The following IKZF4 variants were observed in gnomAD, a reference collection of about 807,000 sequenced individuals.
IKZF4 encodes the protein IKAROS family zinc finger 4.
Under a neutral mutation model 47.7 loss-of-function variants are expected in IKZF4, and 11 were observed. The ratio of observed to expected loss-of-function variants is 0.23; its 90% CI spans 0.15 to 0.38. The LOEUF (loss-of-function observed/expected upper bound fraction) is 0.38. Among genes scored for constraint, IKZF4 ranks in the 10% least tolerant of loss-of-function variants. The probability of loss-of-function intolerance (pLI) is 1.00; values close to 1 mark genes in which losing one functional copy is unlikely to be tolerated. For synonymous variants in IKZF4, 298 were observed against 299.4 expected, an observed-to-expected ratio of 1.00 and a Z score of 0.05; for missense variants, 557 against 784.9, an observed-to-expected ratio of 0.71 and a Z score of 3.47.
At chr12:56,016,419 C>T (rs959281223), upstream of IKZF4, among the ~76,000 whole-genome samples, 2 of 146,638 alleles carry the variant, frequency 1.4e-5, no homozygotes, top group Non-Finnish European at 1.5e-5. Context: ...CTTTTTTTTT[C>T]TTTTCTTTTT....
Position 56,026,869 on chromosome 12 carries a change from C to A in IKZF4, c.375C>A (p.Ser125Arg). ...PDERLLEKDD[S>R]VIVEDSLSEP... ...AGCGGCTCCTGGAAAAGGACGACAG[C>A]GTGATTGTGGAAGATTCATTGTCTG... Residue 125 changes from serine to arginine, a missense_variant, in exon 4 of 8, where the codon AGC becomes AGA. Ser to Arg is a moderately radical substitution (Grantham distance 110). This residue lies in a region of IKZF4 where 112 missense variants were observed against 168.2 expected (regional missense o/e 0.67). Coordinates refer to ENST00000547167, the MANE Select transcript of IKZF4 (RefSeq NM_022465.4). The A allele has an allele frequency of 6.2e-7, 1 of 1,613,156 alleles. No homozygotes were observed. Among genetic ancestry groups the A allele is most frequent in the Non-Finnish European group, 8.5e-7 (1 of 1,179,604 alleles).
upstream of IKZF4, among the ~76,000 whole-genome samples, chr12:56,016,424 CTTT>C (rs1316176573): frequency 6.0e-5 from 8 of 132,874 alleles, no homozygotes; most frequent in Non-Finnish European, 6.5e-5. Context: ...TTTTTCTTTT[CTTT>C]TTTTTTTTTT....
chr12:56,035,229 T>C lies in IKZF4; in HGVS notation c.1656T>C (p.His552=), dbSNP rs1268641023. 4 of 1,614,208 alleles carry C rather than the reference T, an allele frequency of 2.5e-6. No individual in the cohort carries two copies. Among genetic ancestry groups the C allele is most frequent in the Non-Finnish European group, 2.5e-6 (3 of 1,180,030 alleles). The change falls in exon 8 of 8, where the codon CAT becomes CAC. Residue 552 remains histidine (H), a synonymous_variant. Transcript: ENST00000547167. This position sits in a 1 kb window ranked among gnomAD's most constrained non-coding sequence, Gnocchi z 6.1. ...HVMFTIHMGC[H]GFRDPFECNI... Reference sequence around the variant, plus strand: ...TGTTCACTATCCACATGGGCTGCCATGGCTTCAGAGACCCTTTTGAGTGCA... The same window carrying C: ...TGTTCACTATCCACATGGGCTGCCACGGCTTCAGAGACCCTTTTGAGTGCA...
At chr12:56,019,951 T>A (rs1443246860), upstream of IKZF4, among the ~76,000 whole-genome samples, 1 of 152,214 alleles carries the variant, frequency 6.6e-6, no homozygotes, top group Non-Finnish European at 1.5e-5. Flanking sequence ...GCAGCTACCT[T>A]AGAAAGGGAA....
In IKZF4 at chr12:56,031,205, C is replaced by G. The variant is rs371619005; in HGVS notation, c.716-1356C>G. On this transcript the variant is annotated intron_variant, in intron 5 of 7. Coordinates refer to ENST00000547167, the MANE Select transcript of IKZF4 (RefSeq NM_022465.4). ...GGTAGAGGTTGCAGTGAGCCGAGAT[C>G]GTGCCACTGCACTCCAGCCTAGGCA... Among the ~76,000 whole-genome samples the G allele has an allele frequency of 3.9e-5, 6 of 152,132 alleles. No homozygotes were observed. The South Asian group carries it at 1.0e-3, about 26-fold the overall frequency.
chr12:56,033,201 C>T lies in IKZF4; in HGVS notation c.877C>T (p.Arg293Cys), dbSNP rs1445174361. The change falls in exon 7 of 8, where the codon CGT (arginine) becomes TGT (cysteine). Residue 293 changes from arginine to cysteine, a missense_variant. Physicochemically the swap from Arg to Cys is radical, Grantham distance 180 (BLOSUM62 -3). This residue lies in a region of IKZF4 where 72 missense variants were observed against 112.4 expected (regional missense o/e 0.64). Coordinates refer to ENST00000547167, the MANE Select transcript of IKZF4 (RefSeq NM_022465.4). ...ALAGQPGDEI[R>C]DLEMVPDSML... Reference sequence around the variant, plus strand: ...CTTCTTCCCACTAGGTGACGAAATACGTGACCTGGAGATGGTGCCAGACTC... The same window carrying T: ...CTTCTTCCCACTAGGTGACGAAATATGTGACCTGGAGATGGTGCCAGACTC... 4 of 1,613,866 alleles carry T rather than the reference C, an allele frequency of 2.5e-6. No individual in the cohort carries two copies. The highest frequency in any genetic ancestry group is 3.4e-6 in the Non-Finnish European group (4 of 1,179,810).
intron 2 of IKZF4, among the ~76,000 whole-genome samples, chr12:56,015,238 G>A (rs896815819): frequency 5.3e-5 from 8 of 151,644 alleles, no homozygotes; most frequent in South Asian, 4.2e-4. Context: ...CACCACGCCC[G>A]GCTAATTTTT....
chr12:56,012,267 A>G (rs1294172398), intron 2 of IKZF4, among the ~76,000 whole-genome samples: 1 of 151,482 alleles, frequency 6.6e-6, no homozygotes, highest in East Asian at 1.9e-4. Context: ...GCATGTGTTA[A>G]ATGACTTTTT....
At chr12:56,022,925 G>A (rs932551049) in intron 1 of IKZF4, among the ~76,000 whole-genome samples, 29 of 149,744 alleles carry the variant, frequency 1.9e-4, no homozygotes, top group African/African-American at 5.9e-4. Flanking sequence ...TCAGCCTCCC[G>A]AGTAGCTGGG....
In IKZF4 at chr12:56,027,088, G is replaced by A. The variant is rs745604234; in HGVS notation, c.547+47G>A. ...TGGGAGGAGCTCCCAGGGTGGGGTTGAGAGGCAGGGGCAGTGCTGGGACAA... is the reference window on the plus strand; with the variant it reads ...TGGGAGGAGCTCCCAGGGTGGGGTTAAGAGGCAGGGGCAGTGCTGGGACAA... On this transcript the variant is annotated intron_variant, in intron 4 of 7. Coordinates refer to ENST00000547167, the MANE Select transcript of IKZF4 (RefSeq NM_022465.4). 6 of 1,453,648 alleles carry A rather than the reference G, an allele frequency of 4.1e-6. No individual in the cohort carries two copies. In the Admixed American group the frequency reaches 1.6e-4, roughly 39 times the overall value. The allele number at this position is 1,453,648 out of a possible 1,614,324, so 90.0% of individuals were successfully genotyped here.
chr12:56,023,544 A>G (rs752198777), intron 1 of IKZF4, 127 bp from the exon 2 acceptor site: 125 of 1,133,322 alleles, frequency 1.1e-4, no homozygotes, highest in Non-Finnish European at 1.5e-4. Context: ...GGCTTTTTCT[A>G]TAGATAGTGA....
Position 56,032,291 on chromosome 12 carries a change from T to C in IKZF4, c.716-270T>C, listed in dbSNP as rs1320211436. ...TCCTCACTTCCTTTAAGCAACAATT[T>C]GGCCATCTTGAACAAACCCACCACC... On this transcript the variant is annotated intron_variant, in intron 5 of 7. Transcript: ENST00000547167. 11 of 392,100 alleles carry C rather than the reference T, an allele frequency of 2.8e-5. No homozygotes were observed. The East Asian group carries it at 2.9e-4, about 10-fold the overall frequency. 24.3% of individuals were successfully genotyped at this position (392,100 alleles called of 1,614,324 possible). A position where few individuals can be genotyped will look rare whatever the true frequency, so the allele number is the denominator to read the frequency against.
chr12:56,009,944 C>T (rs1295034456), intron 1 of IKZF4: 1 of 152,116 alleles, frequency 6.6e-6, no homozygotes, highest in Admixed American at 6.5e-5. Context: ...ATGGGAGAAA[C>T]TTATCCCACC....
At position 56,037,226 on chromosome 12, in the gene IKZF4, G is replaced by T. The variant is rs1593015024; in HGVS notation, c.*1895G>T. Reference sequence around the variant, plus strand: ...CCTCCTTTTTCTCCCCCACTCTGAGGTTTCCCCAAGAGAACCAGATTGGCA... The same window carrying T: ...CCTCCTTTTTCTCCCCCACTCTGAGTTTTCCCCAAGAGAACCAGATTGGCA... On this transcript the variant is annotated 3_prime_UTR_variant, in exon 8 of 8. Transcript: ENST00000547167. 6.5e-6 allele frequency: 1 copy of T among 152,728 alleles called. No homozygotes were observed. Among genetic ancestry groups the T allele is most frequent in the East Asian group, 1.9e-4 (1 of 5,190 alleles). The allele number at this position is 152,728 out of a possible 1,614,324, so 9.5% of individuals were successfully genotyped here. A position where few individuals can be genotyped will look rare whatever the true frequency, so the allele number is the denominator to read the frequency against.
intron 7 of IKZF4, among the ~76,000 whole-genome samples, chr12:56,033,622 G>T (rs1296614128): frequency 6.6e-6 from 1 of 152,102 alleles, no homozygotes; most frequent in Admixed American, 6.6e-5. Context: ...CAGGAGAATG[G>T]TGTGAACCTG....
intron 5 of IKZF4, among the ~76,000 whole-genome samples, chr12:56,028,665 C>T (rs1894447981): frequency 6.6e-6 from 1 of 151,742 alleles, no homozygotes; most frequent in South Asian, 2.1e-4. Flanking sequence ...TCCCTGCAGT[C>T]TTGATCTCCT....
Position 56,037,889 on chromosome 12 carries a change from A to G in IKZF4, c.*2558A>G, listed in dbSNP as rs368156393. 2.0e-5 allele frequency: 3 copies of G among 152,034 alleles called. No homozygotes were observed. Among genetic ancestry groups the G allele is most frequent in the African/African-American group, 7.2e-5 (3 of 41,382 alleles). The allele number at this position is 152,034 out of a possible 1,614,324, so 9.4% of individuals were successfully genotyped here. ...AAAATACACACACACTGAAACCCAC[A>G]TGGAGAAAAGAGGTGTTTCCTTTTA... On this transcript the variant is annotated 3_prime_UTR_variant, in exon 8 of 8. Transcript: ENST00000547167.
chr12:56,023,838 TCTCTCTTTCTTGCA>T, intron 2 of IKZF4, 74 bp downstream of exon 2: 1 of 1,557,450 alleles, frequency 6.4e-7, no homozygotes, highest in Non-Finnish European at 8.7e-7. Context: ...TTAGGCTTCC[TCTCTCTTTCTTGCA>T]CTCTCCCTTG....
rs915651076 is a variant in IKZF4, at chr12:56,037,272, A to G, written c.*1941A>G. 6.6e-6 allele frequency: 1 copy of G among 152,650 alleles called. No individual in the cohort carries two copies. Among genetic ancestry groups the G allele is most frequent in the Non-Finnish European group, 1.5e-5 (1 of 68,044 alleles). The allele number at this position is 152,650 out of a possible 1,614,324, so 9.5% of individuals were successfully genotyped here. Reference sequence around the variant, plus strand: ...TGGCAGGGAGAAGCATTGTGGGGCAATTGTTCCTCCTTGACAATGTAGCAA... The same window carrying G: ...TGGCAGGGAGAAGCATTGTGGGGCAGTTGTTCCTCCTTGACAATGTAGCAA... On this transcript the variant is annotated 3_prime_UTR_variant, in exon 8 of 8. Coordinates refer to ENST00000547167, the MANE Select transcript of IKZF4 (RefSeq NM_022465.4).
Sources: allele counts gnomAD v4.1 joint callset (sites outside exome capture counted in the v4.1 genomes callset), GRCh38; gene constraint gnomAD v4.1.1; regional missense constraint gnomAD v4.1.1; non-coding constraint Gnocchi (gnomAD v3.1); transcripts MANE v1.5; gene names NCBI Gene and HGNC (gene_info 2026-07-23, HGNC 2026-07-21).